Variants in ZNF827 observed in about 807,000 individuals in gnomAD.
The protein encoded by ZNF827 is zinc finger protein 827.
ZNF827 carries 13 observed loss-of-function variants against 102.4 expected under a neutral mutation model. The ratio of observed to expected loss-of-function variants is 0.13; its 90% CI spans 0.08 to 0.20. ZNF827 has a LOEUF of 0.20. ZNF827 is among the 10% of genes least tolerant of loss of function. The pLI is 1.00. For synonymous variants in ZNF827, 523 were observed against 536.2 expected, an observed-to-expected ratio of 0.98 and a Z score of 0.34; for missense variants, 1,103 against 1,344.4, an observed-to-expected ratio of 0.82 and a Z score of 2.81.
chr4:145,874,370 T>C (rs1180432259), intron 4 of ZNF827, among the ~76,000 whole-genome samples: 1 of 152,214 alleles, frequency 6.6e-6, no homozygotes, highest in African/African-American at 2.4e-5. Context: ...GAAGAGCATA[T>C]GGAAATCACT....
rs1734054890 is a variant in ZNF827 at position 145,757,667 on chromosome 4, A to G, written c.*3949T>C. On this transcript the variant is annotated 3_prime_UTR_variant, in exon 15 of 15. Transcript: ENST00000508784. ...TTTTTTTTTAATTAGAGTATATTAT[A>G]CTTTCAAACTGGATACACTAGAAAT... is the stretch of plus-strand genomic sequence containing the variant. The G allele has an allele frequency of 6.6e-6, 1 of 151,826 alleles. No homozygotes were observed. Among genetic ancestry groups the G allele is most frequent in the Non-Finnish European group, 1.5e-5 (1 of 67,968 alleles). 9.4% of individuals were successfully genotyped at this position (151,826 alleles called of 1,614,324 possible).
chr4:145,844,677 CAAATAAATAAATAAATAAAT>C (rs72118300), intron 7 of ZNF827, among the ~76,000 whole-genome samples: 1,823 of 128,464 alleles, frequency 0.014, 35 homozygotes, highest in African/African-American at 0.041. Context: ...GAGACTGTCT[CAAATAAATAAATAAATAAAT>C]AAATAAATAA....
At position 145,849,248 on chromosome 4, in the gene ZNF827, T is replaced by TAAA. The variant is rs201772793; in HGVS notation, c.2221+71_2221+73dup. The TAAA allele has an allele frequency of 1.1e-4, 143 of 1,354,980 alleles. No individual in the cohort carries two copies. In the African/African-American group the frequency reaches 1.6e-3, roughly 15 times the overall value. The allele number at this position is 1,354,980 out of a possible 1,614,324, so 83.9% of individuals were successfully genotyped here. A position where few individuals can be genotyped will look rare whatever the true frequency, so the allele number is the denominator to read the frequency against. Reference sequence around the variant, plus strand: ...ATCCTATAATTCAGGTTTTTTTTTTTAAAAAAAACTGTGTTAGAAGGGTTT... The same window carrying TAAA: ...ATCCTATAATTCAGGTTTTTTTTTTTAAAAAAAAAAACTGTGTTAGAAGGGTTT... On this transcript the variant is annotated intron_variant, in intron 6 of 14. Transcript: ENST00000508784.
chr4:145,850,753 A>C (rs1310320337), intron 5 of ZNF827, among the ~76,000 whole-genome samples: 1 of 152,242 alleles, frequency 6.6e-6, no homozygotes, highest in Non-Finnish European at 1.5e-5. Context: ...ACTGGGAAAC[A>C]AAAAACAAAG....
chr4:145,757,770 G>C lies in ZNF827; in HGVS notation c.*3846C>G, dbSNP rs951267816. 2 of 151,722 alleles carry C rather than the reference G, an allele frequency of 1.3e-5. No individual in the cohort carries two copies. The highest frequency in any genetic ancestry group is 3.9e-4 in the East Asian group (2 of 5,178). The allele number at this position is 151,722 out of a possible 1,614,324, so 9.4% of individuals were successfully genotyped here. ...CCTGTACAGCCTCGTAATGCAAAAA[G>C]CTTTATACAATACAAATTTTCAGTA... On this transcript the variant is annotated 3_prime_UTR_variant, in exon 15 of 15. Transcript: ENST00000508784.
chr4:145,826,838 C>T (rs1177859198), intron 7 of ZNF827, among the ~76,000 whole-genome samples: 1 of 152,164 alleles, frequency 6.6e-6, no homozygotes, highest in Non-Finnish European at 1.5e-5. Flanking sequence ...CCTCCGCCTC[C>T]TGGGTTCAAG....
At chr4:145,846,088 A>G (rs1745905384) in intron 6 of ZNF827, 75 bp from the exon 7 acceptor site, 1 of 1,389,992 alleles carries the variant, frequency 7.2e-7, no homozygotes, top group Non-Finnish European at 1.0e-6. Context: ...CCTTAAGCAG[A>G]AAAACCCTCA....
intron 1 of ZNF827, among the ~76,000 whole-genome samples, chr4:145,904,255 T>C (rs901619562): frequency 3.3e-5 from 5 of 152,216 alleles, no homozygotes; most frequent in African/African-American, 1.2e-4. Flanking sequence ...TCCTTACAAT[T>C]CTCCCTGGAA....
chr4:145,903,337 T>G, intron 1 of ZNF827, 122 bp from the exon 2 acceptor site: 1 of 1,442,244 alleles, frequency 6.9e-7, no homozygotes, highest in Non-Finnish European at 9.1e-7. Flanking sequence ...AAATGAAAGG[T>G]GGCAACAGCC....
intron 4 of ZNF827, among the ~76,000 whole-genome samples, chr4:145,882,939 G>A (rs901038055): frequency 3.9e-5 from 6 of 152,062 alleles, no homozygotes; most frequent in Non-Finnish European, 8.8e-5. Context: ...AAACTCAGCC[G>A]CAGCTCCCTG....
rs1734176989 is a variant in ZNF827 at position 145,759,033 on chromosome 4, C to G, written c.*2583G>C. ...AACATTAGGGATGCTTTTATTTTCCCCTGGTGAAACAGATTTTAAAAAACC... is the reference window on the plus strand; with the variant it reads ...AACATTAGGGATGCTTTTATTTTCCGCTGGTGAAACAGATTTTAAAAAACC... On this transcript the variant is annotated 3_prime_UTR_variant, in exon 15 of 15. Coordinates refer to ENST00000508784, the MANE Select transcript of ZNF827 (RefSeq NM_001306215.2). 6.6e-6 allele frequency: 1 copy of G among 152,122 alleles called. No individual in the cohort carries two copies. Among genetic ancestry groups the G allele is most frequent in the Non-Finnish European group, 1.5e-5 (1 of 68,020 alleles). 9.4% of individuals were successfully genotyped at this position (152,122 alleles called of 1,614,324 possible).
chr4:145,875,948 G>A (rs1030989682), intron 4 of ZNF827, among the ~76,000 whole-genome samples: 3 of 152,150 alleles, frequency 2.0e-5, no homozygotes, highest in Non-Finnish European at 4.4e-5. Context: ...AGTTCAAAGC[G>A]TGCATCATCC....
chr4:145,797,243 A>G (rs1740474995), intron 8 of ZNF827, among the ~76,000 whole-genome samples: 1 of 152,248 alleles, frequency 6.6e-6, no homozygotes. Flanking sequence ...AGATCCTATC[A>G]GGCTCGAATC....
chr4:145,854,068 T>C (rs550487002), intron 5 of ZNF827, among the ~76,000 whole-genome samples: 4 of 152,136 alleles, frequency 2.6e-5, no homozygotes, highest in Non-Finnish European at 5.9e-5. Context: ...TCCTATGAAC[T>C]GTAAGTCTCT....
Position 145,845,917 on chromosome 4 carries a change from C to A in ZNF827, c.2279+39G>T, listed in dbSNP as rs375667896. 5 of 1,611,618 alleles carry A rather than the reference C, an allele frequency of 3.1e-6. No individual in the cohort carries two copies. In the African/African-American group the frequency reaches 6.7e-5, roughly 22 times the overall value. ...ACATGTAGTACGGGCTGGTGGCCCA[C>A]ACGGGGTGTTCTGGAGGAACCCACA... On this transcript the variant is annotated intron_variant, in intron 7 of 14. Transcript: ENST00000508784.
chr4:145,886,753 G>A (rs1375344229), intron 3 of ZNF827, among the ~76,000 whole-genome samples: 1 of 151,708 alleles, frequency 6.6e-6, no homozygotes, highest in African/African-American at 2.4e-5. Context: ...CAAAGTAGGA[G>A]AAAAACCAAG....
At chr4:145,885,634 GAGAGAGA>G (rs772583664) in intron 4 of ZNF827, 37 bp downstream of exon 4, 2 of 1,504,390 alleles carry the variant, frequency 1.3e-6, no homozygotes, top group South Asian at 1.4e-5. Context: ...GAGAGAGAGA[GAGAGAGA>G]GAGAGAGAGA....
intron 1 of ZNF827, among the ~76,000 whole-genome samples, chr4:145,917,021 CTTA>C (rs1447944290): frequency 1.3e-5 from 2 of 152,042 alleles, no homozygotes; most frequent in Admixed American, 6.6e-5. Context: ...GATCACAGCC[CTTA>C]ATTAATCTCT....
At chr4:145,935,714 G>GA (rs1252116453) in intron 1 of ZNF827, among the ~76,000 whole-genome samples, 1 of 152,090 alleles carries the variant, frequency 6.6e-6, no homozygotes, top group Non-Finnish European at 1.5e-5. Flanking sequence ...CAAAGTAGGA[G>GA]AGCCCACTCT....
Sources: gnomAD v4.1 joint callset for allele counts (sites outside exome capture counted in the v4.1 genomes callset) on GRCh38, gnomAD v4.1.1 for gene constraint, MANE v1.5 for transcripts, NCBI Gene and HGNC (gene_info 2026-07-23, HGNC 2026-07-21) for gene names.